IQCJ: variants seen among roughly 807,000 people sequenced by gnomAD.
IQCJ encodes IQ motif containing J.
Under a neutral mutation model 11.0 loss-of-function variants are expected in IQCJ, and 9 were observed. The ratio of observed to expected loss-of-function variants is 0.82; its 90% CI spans 0.49 to 1.43. The LOEUF (loss-of-function observed/expected upper bound fraction) is 1.43, where lower values mean the gene tolerates loss of function less well. IQCJ is among the 40% of genes most tolerant of loss of function. IQCJ has a pLI of 0.00. For missense variants in IQCJ, 146 were observed against 133.2 expected (o/e 1.10, Z -0.47); for synonymous variants, 55 against 51.3 (o/e 1.07, Z -0.31).
intron 1 of IQCJ, among the ~76,000 whole-genome samples, chr3:159,191,516 G>A (rs992673835): frequency 1.3e-5 from 2 of 152,132 alleles, no homozygotes; most frequent in African/African-American, 2.4e-5. Flanking sequence ...AGTGGTCATC[G>A]TGTTTTCCCT....
intron 1 of IQCJ, among the ~76,000 whole-genome samples, chr3:159,084,803 T>G (rs930189870): frequency 6.6e-6 from 1 of 152,062 alleles, no homozygotes; most frequent in Non-Finnish European, 1.5e-5. Flanking sequence ...GTAACCCCAT[T>G]AAGACCCAGG....
At chr3:159,105,717 C>T (rs151236010) in intron 1 of IQCJ, among the ~76,000 whole-genome samples, 17 of 152,064 alleles carry the variant, frequency 1.1e-4, no homozygotes, top group African/African-American at 3.4e-4. Context: ...TGGGAAAACA[C>T]GTCTGGTGGT....
At chr3:159,085,765 GT>G (rs1334322435) in intron 1 of IQCJ, among the ~76,000 whole-genome samples, 13 of 149,092 alleles carry the variant, frequency 8.7e-5, no homozygotes, top group South Asian at 4.3e-4. Context: ...TGATGGGGTT[GT>G]TTTTTTTTTC....
chr3:159,240,989 T>C (rs1368923475), intron 1 of IQCJ, among the ~76,000 whole-genome samples: 1 of 152,216 alleles, frequency 6.6e-6, no homozygotes, highest in Admixed American at 6.5e-5. Context: ...CTATGGCTCA[T>C]CTTAGAATTT....
At chr3:159,137,338 A>C (rs888273593) in intron 1 of IQCJ, among the ~76,000 whole-genome samples, 1 of 152,162 alleles carries the variant, frequency 6.6e-6, no homozygotes, top group Admixed American at 6.6e-5. Flanking sequence ...TTATTGAAAA[A>C]TAATGCATAA....
intron 1 of IQCJ, among the ~76,000 whole-genome samples, chr3:159,187,387 G>A (rs897122800): frequency 2.0e-5 from 3 of 152,214 alleles, no homozygotes; most frequent in Non-Finnish European, 4.4e-5. Context: ...AAACCAAGGG[G>A]CCTATTGCCT....
At chr3:159,134,711 A>G (rs1720189002) in intron 1 of IQCJ, among the ~76,000 whole-genome samples, 1 of 152,174 alleles carries the variant, frequency 6.6e-6, no homozygotes, top group African/African-American at 2.4e-5. Flanking sequence ...AGCTGTCCAT[A>G]CAGAAGACCA....
chr3:159,136,039 T>G (rs1460608890), intron 1 of IQCJ, among the ~76,000 whole-genome samples: 1 of 152,056 alleles, frequency 6.6e-6, no homozygotes, highest in African/African-American at 2.4e-5. Flanking sequence ...TTGCACAGAG[T>G]GCTTAAGTAG....
At position 159,119,217 on chromosome 3, in the gene IQCJ, C is replaced by G. The variant is rs368188753; in HGVS notation, c.9+49776C>G. ...GTTCCAGAAGCTCAGCATTTCAAAA[C>G]CAAGACCTTAGAATAATCAATTAGC... On this transcript the variant is annotated intron_variant, in intron 1 of 3. Coordinates refer to ENST00000397832, the MANE Select transcript of IQCJ (RefSeq NM_001042706.3). Among the ~76,000 whole-genome samples, 57 of 152,292 alleles carry G rather than the reference C, an allele frequency of 3.7e-4. No homozygotes were observed. In the East Asian group the frequency reaches 6.8e-3, roughly 18 times the overall value.
intron 1 of IQCJ, among the ~76,000 whole-genome samples, chr3:159,084,995 C>A (rs1328218661): frequency 1.3e-5 from 2 of 151,716 alleles, no homozygotes; most frequent in African/African-American, 4.8e-5. Flanking sequence ...TATACATGTG[C>A]CATGCTGCTG....
At chr3:159,174,433 A>G (rs1221918974) in intron 1 of IQCJ, among the ~76,000 whole-genome samples, 2 of 152,178 alleles carry the variant, frequency 1.3e-5, no homozygotes, top group African/African-American at 4.8e-5. Flanking sequence ...AGGAGCACAG[A>G]GATAAATACA....
At chr3:159,110,293 T>C (rs73164347) in intron 1 of IQCJ, among the ~76,000 whole-genome samples, 2,437 of 152,314 alleles carry the variant, frequency 0.016, 28 homozygotes, top group Admixed American at 0.03. Flanking sequence ...AAAGTGCTTA[T>C]TTTTAGCACA....
intron 1 of IQCJ, among the ~76,000 whole-genome samples, chr3:159,233,027 T>C (rs74445260): frequency 0.033 from 5,043 of 152,284 alleles, 260 homozygotes; most frequent in African/African-American, 0.12. Flanking sequence ...GAGGTAATGC[T>C]GCGCTATTTA....
intron 1 of IQCJ, among the ~76,000 whole-genome samples, chr3:159,161,242 G>A (rs1386328673): frequency 1.3e-5 from 2 of 152,144 alleles, no homozygotes; most frequent in African/African-American, 2.4e-5. Flanking sequence ...GAGATGGTAT[G>A]TCATTGTGGT....
chr3:159,088,455 T>A (rs1716967436), intron 1 of IQCJ, among the ~76,000 whole-genome samples: 1 of 152,194 alleles, frequency 6.6e-6, no homozygotes, highest in African/African-American at 2.4e-5. Flanking sequence ...CAGAGCTGAG[T>A]TCAATTCCTG....
At chr3:159,123,018 T>A (rs975249992) in intron 1 of IQCJ, among the ~76,000 whole-genome samples, 5 of 152,116 alleles carry the variant, frequency 3.3e-5, no homozygotes, top group African/African-American at 9.7e-5. Context: ...GTCTTAGAAT[T>A]TGGAGAGGCA....
chr3:159,213,895 TCTC>T (rs1217070840), intron 1 of IQCJ, among the ~76,000 whole-genome samples: 2 of 152,158 alleles, frequency 1.3e-5, no homozygotes, highest in Non-Finnish European at 2.9e-5. Context: ...GACCCCATTT[TCTC>T]CTCCTACTTA....
chr3:159,202,793 G>A lies in IQCJ; in HGVS notation c.10-43050G>A, dbSNP rs373750388. Among the ~76,000 whole-genome samples the A allele has an allele frequency of 5.8e-4, 88 of 152,138 alleles. 1 individual carries two copies. The South Asian group carries it at 1.0e-2, about 17-fold the overall frequency. On this transcript the variant is annotated intron_variant, in intron 1 of 3. Transcript: ENST00000397832. ...GCTGGGACTATAGGAGTGAGCCACC[G>A]TGCCCAACTTAAGCCAAGCAAATTT...
chr3:159,232,434 C>T (rs1226711023), intron 1 of IQCJ, among the ~76,000 whole-genome samples: 1 of 148,696 alleles, frequency 6.7e-6, no homozygotes, highest in Non-Finnish European at 1.5e-5. Flanking sequence ...CCGTGTAGTG[C>T]CGTTTTGAGA....
Sources: allele counts gnomAD v4.1 joint callset (sites outside exome capture counted in the v4.1 genomes callset), GRCh38; gene constraint gnomAD v4.1.1; transcripts MANE v1.5; gene names NCBI Gene and HGNC (gene_info 2026-07-23, HGNC 2026-07-21).